PKIB: variants seen among roughly 807,000 people sequenced by gnomAD.
PKIB encodes the protein PKI-beta.
PKIB carries 2 observed loss-of-function variants against 4.5 expected under a neutral mutation model. The observed-to-expected ratio is 0.44, with a 90% CI of 0.18 to 1.39. The LOEUF is 1.39. PKIB is among the 40% of genes most tolerant of loss of function. The pLI is 0.27. For missense variants in PKIB, 94 were observed against 92.6 expected (o/e 1.02, Z -0.06); for synonymous variants, 38 against 36.0 (o/e 1.06, Z -0.20).
chr6:122,618,745 A>T (rs1356435167), intron 1 of PKIB, among the ~76,000 whole-genome samples: 1 of 152,204 alleles, frequency 6.6e-6, no homozygotes, highest in South Asian at 2.1e-4. Context: ...ATTCAGTTTT[A>T]TAAACAATAG....
At chr6:122,702,321 A>G (rs986609108) in intron 3 of PKIB, among the ~76,000 whole-genome samples, 7 of 135,304 alleles carry the variant, frequency 5.2e-5, no homozygotes, top group African/African-American at 1.9e-4. Context: ...AATTTTTTAA[A>G]AAAACTTTTT....
intron 3 of PKIB, among the ~76,000 whole-genome samples, chr6:122,696,656 G>A (rs1582821097): frequency 6.6e-6 from 1 of 152,152 alleles, no homozygotes; most frequent in African/African-American, 2.4e-5. Flanking sequence ...CTCATGGAGG[G>A]CATAGAATGA....
At chr6:122,571,771 A>C (rs909344013) in intron 2 of PKIB, among the ~76,000 whole-genome samples, 3 of 152,240 alleles carry the variant, frequency 2.0e-5, no homozygotes, top group Non-Finnish European at 4.4e-5. Flanking sequence ...TCTATATCAA[A>C]ATGGAACCTC....
intron 1 of PKIB, among the ~76,000 whole-genome samples, chr6:122,624,400 C>T (rs1562274659): frequency 6.6e-6 from 1 of 152,138 alleles, no homozygotes; most frequent in South Asian, 2.1e-4. Flanking sequence ...CATATTAGCA[C>T]TCTTGTTTCT....
At chr6:122,702,448 C>T (rs900239198) in intron 3 of PKIB, among the ~76,000 whole-genome samples, 4 of 150,962 alleles carry the variant, frequency 2.6e-5, no homozygotes, top group Admixed American at 6.6e-5. Flanking sequence ...TCCTGCCTCA[C>T]GCTCCTTAGT....
chr6:122,612,811 A>G (rs1774817197), intron 1 of PKIB, among the ~76,000 whole-genome samples: 1 of 152,196 alleles, frequency 6.6e-6, no homozygotes, highest in African/African-American at 2.4e-5. Flanking sequence ...GATGCTTAAC[A>G]GTGAAATTGG....
intron 3 of PKIB, among the ~76,000 whole-genome samples, chr6:122,699,846 G>A (rs1025581507): frequency 2.6e-5 from 4 of 152,054 alleles, no homozygotes; most frequent in Non-Finnish European, 5.9e-5. Context: ...AGAAATTTAG[G>A]CAAGACAGTA....
At chr6:122,472,123 TTTTGCCC>T (rs1775321636) in intron 1 of PKIB, 3 of 192,894 alleles carry the variant, frequency 1.6e-5, no homozygotes, top group Non-Finnish European at 3.2e-5. Flanking sequence ...GTGGTTGACG[TTTTGCCC>T]TCCTTCATCT....
chr6:122,476,085 C>T (rs1035278001), intron 1 of PKIB, among the ~76,000 whole-genome samples: 13 of 152,126 alleles, frequency 8.5e-5, no homozygotes, highest in African/African-American at 3.1e-4. Context: ...GCTTAGTTCT[C>T]TTGTCCTTAG....
chr6:122,537,010 A>C (rs1434995695), intron 2 of PKIB, among the ~76,000 whole-genome samples: 2 of 151,874 alleles, frequency 1.3e-5, no homozygotes, highest in Non-Finnish European at 2.9e-5. Context: ...GGGGCCATAT[A>C]AGATCTCCAT....
intron 3 of PKIB, among the ~76,000 whole-genome samples, chr6:122,709,236 A>G (rs542208503): frequency 3.5e-4 from 54 of 152,158 alleles, no homozygotes; most frequent in Admixed American, 1.4e-3. Flanking sequence ...CCAGGATTCA[A>G]CTTCAGAAGT....
chr6:122,520,676 A>AC (rs11432380), intron 2 of PKIB, among the ~76,000 whole-genome samples: 1,929 of 17,386 alleles, frequency 0.11, 54 homozygotes, highest in African/African-American at 0.25. Context: ...CCCCCCCCCC[A>AC]CCAAATTTAT....
At chr6:122,509,732 A>G (rs1361332517) in intron 2 of PKIB, among the ~76,000 whole-genome samples, 2 of 152,146 alleles carry the variant, frequency 1.3e-5, no homozygotes, top group Non-Finnish European at 2.9e-5. Flanking sequence ...CACCCAGCTT[A>G]AAATTGTCAT....
chr6:122,537,186 C>T (rs1298742605), intron 2 of PKIB, among the ~76,000 whole-genome samples: 2 of 151,696 alleles, frequency 1.3e-5, no homozygotes, highest in African/African-American at 4.8e-5. Context: ...GATTATTATA[C>T]TTTAAGTTTT....
chr6:122,596,845 T>C (rs1473934424), intron 3 of PKIB, among the ~76,000 whole-genome samples: 1 of 152,204 alleles, frequency 6.6e-6, no homozygotes, highest in Non-Finnish European at 1.5e-5. Context: ...CCTGGACCTG[T>C]TGCAGAGCCT....
At chr6:122,633,845 G>C (rs1395020641) in intron 2 of PKIB, among the ~76,000 whole-genome samples, 1 of 152,130 alleles carries the variant, frequency 6.6e-6, no homozygotes, top group Non-Finnish European at 1.5e-5. Context: ...TATTCTTGAT[G>C]ACACTAATAG....
chr6:122,585,675 T>A (rs1303625524), intron 2 of PKIB: 1 of 152,136 alleles, frequency 6.6e-6, no homozygotes, highest in African/African-American at 2.4e-5. Flanking sequence ...TGCAAATTAT[T>A]GAAAAAACAA....
intron 2 of PKIB, among the ~76,000 whole-genome samples, chr6:122,510,285 T>G (rs998031568): frequency 3.3e-5 from 5 of 152,204 alleles, no homozygotes; most frequent in African/African-American, 1.2e-4. Context: ...GTACACAGTA[T>G]GTCATCCATA....
intron 2 of PKIB, among the ~76,000 whole-genome samples, chr6:122,638,904 A>T (rs1232202473): frequency 6.6e-6 from 1 of 152,188 alleles, no homozygotes; most frequent in Non-Finnish European, 1.5e-5. Context: ...CTAAAAAAAG[A>T]CTACAGAATA....
Sources: allele counts gnomAD v4.1 joint callset (sites outside exome capture counted in the v4.1 genomes callset), GRCh38; gene constraint gnomAD v4.1.1; transcripts MANE v1.5; gene names NCBI Gene and HGNC (gene_info 2026-07-23, HGNC 2026-07-21).